The following MPP4 variants were observed in gnomAD, a reference collection of about 807,000 sequenced individuals.
MPP4 encodes the protein MAGUK p55 scaffold protein 4.
A neutral mutation model predicts 98.3 loss-of-function variants in MPP4; 91 were observed. The ratio of observed to expected loss-of-function variants is 0.93; its 90% CI spans 0.78 to 1.10. MPP4 has a LOEUF of 1.10. MPP4 is among the 50% of genes least tolerant of loss of function. The pLI, the probability that MPP4 is intolerant of heterozygous loss-of-function variation, is 0.00. For synonymous variants in MPP4, 261 were observed against 271.8 expected (o/e 0.96, Z 0.39); for missense variants, 744 against 792.9 (o/e 0.94, Z 0.74).
intron 6 of MPP4, 59 bp from the exon 7 acceptor site, chr2:201,685,204 T>G (rs1392416818): frequency 1.5e-6 from 2 of 1,317,104 alleles, no homozygotes; most frequent in African/African-American, 1.5e-5. Flanking sequence ...TCCAGGTGGC[T>G]TCCCTCAATC....
intron 1 of MPP4, 66 bp from the exon 2 acceptor site, chr2:201,694,120 A>C: frequency 6.9e-7 from 1 of 1,447,776 alleles, no homozygotes; most frequent in Non-Finnish European, 9.3e-7. Flanking sequence ...TGGGATACAC[A>C]TCAAATGAAA....
At chr2:201,689,552 T>C (rs1233228746) in intron 4 of MPP4, among the ~76,000 whole-genome samples, 2 of 151,964 alleles carry the variant, frequency 1.3e-5, no homozygotes, top group African/African-American at 4.8e-5. Context: ...ATGATGATGG[T>C]ATGGGGTGGT....
intron 4 of MPP4, among the ~76,000 whole-genome samples, 183 bp from the exon 5 acceptor site, chr2:201,687,554 A>C (rs986036765): frequency 5.3e-5 from 8 of 152,236 alleles, no homozygotes; most frequent in Non-Finnish European, 8.8e-5. Flanking sequence ...TTATTCATTA[A>C]AATTGCTACT....
chr2:201,680,736 G>A (rs1324343817), intron 10 of MPP4, 102 bp downstream of exon 10: 2 of 1,037,984 alleles, frequency 1.9e-6, no homozygotes, highest in African/African-American at 3.2e-5. Flanking sequence ...TCATTCATCT[G>A]CTTGTCCCTC....
intron 5 of MPP4, among the ~76,000 whole-genome samples, 166 bp downstream of exon 5, chr2:201,687,125 G>A (rs1052494787): frequency 2.6e-5 from 4 of 152,198 alleles, no homozygotes; most frequent in South Asian, 2.1e-4. Context: ...CACTGAGCTA[G>A]TCACATCTGA....
intron 1 of MPP4, among the ~76,000 whole-genome samples, chr2:201,694,280 C>T (rs573942586): frequency 5.3e-5 from 8 of 152,304 alleles, no homozygotes; most frequent in African/African-American, 1.7e-4. Context: ...ACCACACCTA[C>T]CCACTTTTTA....
chr2:201,676,035 C>A (rs1378316203), intron 10 of MPP4, among the ~76,000 whole-genome samples: 1 of 152,126 alleles, frequency 6.6e-6, no homozygotes, highest in Non-Finnish European at 1.5e-5. Context: ...TAATAAGAGC[C>A]CAGGTAAGTC....
chr2:201,685,071 C>T lies in MPP4; in HGVS notation c.567G>A (p.Glu189=), dbSNP rs377488214. The part of the protein sequence containing the change: ...VARIIHGGLA[E]RSGLLYAGDK... ...CCAGCTGCTCCAGCTTACCACTTCT[C>T]TCCGCCAGCCCACCGTGGATGATCC... is the stretch of plus-strand genomic sequence containing the variant. Residue 189 remains glutamate (E), a synonymous_variant, in exon 7 of 22, where the codon GAG becomes GAA. Transcript: ENST00000409474. 9.9e-6 allele frequency: 16 copies of T among 1,610,566 alleles called. No homozygotes were observed. The highest frequency in any genetic ancestry group is 9.4e-5 in the African/African-American group (7 of 74,792).
intron 10 of MPP4, among the ~76,000 whole-genome samples, chr2:201,676,968 A>G (rs1189018230): frequency 6.6e-6 from 1 of 152,256 alleles, no homozygotes; most frequent in Non-Finnish European, 1.5e-5. Context: ...GCATTCTTCC[A>G]GAAATATTCT....
chr2:201,687,464 T>G, intron 4 of MPP4, 93 bp from the exon 5 acceptor site: 1 of 901,980 alleles, frequency 1.1e-6, no homozygotes, highest in South Asian at 1.6e-5. Flanking sequence ...CATACTAACA[T>G]GATATTGACC....
intron 4 of MPP4, among the ~76,000 whole-genome samples, chr2:201,688,385 G>A (rs1688899972): frequency 6.6e-6 from 1 of 152,144 alleles, no homozygotes; most frequent in South Asian, 2.1e-4. Flanking sequence ...ATGGTGACAA[G>A]TGTTAAGAAG....
At chr2:201,645,478 T>C (rs1385956431) in intron 21 of MPP4, 74 bp from the exon 22 acceptor site, 1 of 1,255,064 alleles carries the variant, frequency 8.0e-7, no homozygotes, top group Non-Finnish European at 1.1e-6. Flanking sequence ...TTTGTTATGC[T>C]GTCACATTCA....
At chr2:201,652,357 G>A (rs1687736648) in intron 18 of MPP4, among the ~76,000 whole-genome samples, 1 of 152,218 alleles carries the variant, frequency 6.6e-6, no homozygotes, top group South Asian at 2.1e-4. Flanking sequence ...TACTCGGGAG[G>A]CTGAGGCAGG....
intron 8 of MPP4, among the ~76,000 whole-genome samples, chr2:201,682,361 G>A (rs1688689403): frequency 6.6e-6 from 1 of 152,272 alleles, no homozygotes; most frequent in Non-Finnish European, 1.5e-5. Context: ...ATCCTGGCAG[G>A]AACCCAGTTT....
At chr2:201,662,004 G>A (rs1315783188) in intron 14 of MPP4, 18 of 331,320 alleles carry the variant, frequency 5.4e-5, no homozygotes, top group African/African-American at 4.4e-5. Context: ...ACCATCTAAC[G>A]GAAAATAGGA....
chr2:201,657,279 C>T (rs1392949833), intron 16 of MPP4, among the ~76,000 whole-genome samples: 1 of 152,082 alleles, frequency 6.6e-6, no homozygotes, highest in Non-Finnish European at 1.5e-5. Context: ...ACTGTGTGAT[C>T]AGTGCAAAGT....
chr2:201,656,297 A>C lies in MPP4; in HGVS notation c.1201T>G (p.Cys401Gly). The change falls in exon 17 of 22, where the codon TGC becomes GGC. Residue 401 changes from cysteine to glycine, a missense_variant. Cys to Gly is a radical substitution (Grantham distance 159, BLOSUM62 -3). Coordinates refer to ENST00000409474, the MANE Select transcript of MPP4 (RefSeq NM_033066.3). ...HLSPLHASVC[C>G]TGSCYSAVGA... ...ACTGCACTGTAGCAGCTGCCGGTGC[A>C]GCACACACTGGCATGCAGCGGGCTG... 6.3e-7 allele frequency: 1 copy of C among 1,579,284 alleles called. No individual in the cohort carries two copies. The highest frequency in any genetic ancestry group is 8.6e-7 in the Non-Finnish European group (1 of 1,162,042).
chr2:201,682,928 G>A lies in MPP4; in HGVS notation c.575-12C>T. 2 of 1,609,432 alleles carry A rather than the reference G, an allele frequency of 1.2e-6. No homozygotes were observed. The highest frequency in any genetic ancestry group is 1.3e-5 in the African/African-American group (1 of 74,852). On this transcript the variant is annotated splice_polypyrimidine_tract_variant and intron_variant, in intron 7 of 21. Transcript: ENST00000409474. ...AGCATATAGCAACCCTAGGCAGACA[G>A]TAACAAAAAACAAAGAAAGATACAA...
At chr2:201,684,999 A>C (rs1361517613) in intron 7 of MPP4, 65 bp downstream of exon 7, 5 of 1,300,356 alleles carry the variant, frequency 3.8e-6, no homozygotes, top group Non-Finnish European at 3.2e-6. Context: ...CTCTAGAAAG[A>C]AGCCTAAACA....
Sources: allele counts gnomAD v4.1 joint callset (sites outside exome capture counted in the v4.1 genomes callset), GRCh38; gene constraint gnomAD v4.1.1; transcripts MANE v1.5; gene names NCBI Gene and HGNC (gene_info 2026-07-23, HGNC 2026-07-21).